MECOM: variants seen among roughly 807,000 people sequenced by gnomAD.
The protein encoded by MECOM is histone-lysine N-methyltransferase MECOM.
A neutral mutation model predicts 116.3 loss-of-function variants in MECOM; 13 were observed. The observed-to-expected ratio is 0.11, with a 90% CI of 0.07 to 0.18. MECOM has a LOEUF of 0.18. Ranked by LOEUF, MECOM falls within the 10% of genes least tolerant of loss-of-function variation. The pLI is 1.00. For synonymous variants in MECOM, 528 were observed against 535.2 expected, an observed-to-expected ratio of 0.99 and a Z score of 0.19; for missense variants, 1,299 against 1,509.0, an observed-to-expected ratio of 0.86 and a Z score of 2.31.
chr3:169,623,601 C>A (rs1771005768), intron 1 of MECOM, among the ~76,000 whole-genome samples: 1 of 152,112 alleles, frequency 6.6e-6, no homozygotes. Flanking sequence ...ATTTGTTGAA[C>A]TATTTTTATC....
At chr3:169,239,259 A>T (rs1371969458) in intron 2 of MECOM, among the ~76,000 whole-genome samples, 1 of 152,088 alleles carries the variant, frequency 6.6e-6, no homozygotes, top group Non-Finnish European at 1.5e-5. Flanking sequence ...ATTTTGTTGG[A>T]GGAGAATTAT....
chr3:169,089,275 A>G (rs1718889827), intron 15 of MECOM, 92 bp from the exon 16 acceptor site: 3 of 914,654 alleles, frequency 3.3e-6, no homozygotes, highest in Non-Finnish European at 4.5e-6. Context: ...ACAACTGACA[A>G]ACTTCATATT....
At chr3:169,634,908 A>G (rs1422407980) in intron 1 of MECOM, among the ~76,000 whole-genome samples, 19 of 151,980 alleles carry the variant, frequency 1.3e-4, no homozygotes, top group Admixed American at 1.2e-3. Context: ...CACTTTTTTA[A>G]ATCATCAGCT....
At chr3:169,452,602 C>A (rs1333123954) in intron 1 of MECOM, among the ~76,000 whole-genome samples, 1 of 152,072 alleles carries the variant, frequency 6.6e-6, no homozygotes, top group African/African-American at 2.4e-5. Flanking sequence ...ATGTCAAGTC[C>A]CTGCTTTCTA....
intron 1 of MECOM, among the ~76,000 whole-genome samples, chr3:169,448,803 G>A (rs1443424213): frequency 1.3e-5 from 2 of 152,044 alleles, no homozygotes; most frequent in Admixed American, 6.6e-5. Flanking sequence ...ACTGTTCGGT[G>A]GTTTGAGGAG....
intron 2 of MECOM, among the ~76,000 whole-genome samples, chr3:169,347,856 A>G (rs1307288185): frequency 6.6e-6 from 1 of 152,028 alleles, no homozygotes; most frequent in Admixed American, 6.6e-5. Context: ...TGACTGACTG[A>G]CAAGCCCCAT....
chr3:169,574,533 G>C (rs1319274463), intron 1 of MECOM, among the ~76,000 whole-genome samples: 3 of 152,166 alleles, frequency 2.0e-5, no homozygotes, highest in African/African-American at 4.8e-5. Context: ...ACAATGCTTA[G>C]TATTCTGACA....
intron 2 of MECOM, among the ~76,000 whole-genome samples, chr3:169,301,593 G>A (rs1716726187): frequency 6.6e-6 from 1 of 152,138 alleles, no homozygotes; most frequent in Non-Finnish European, 1.5e-5. Context: ...TGGTTTGCAG[G>A]TGTGAACATT....
At chr3:169,451,997 C>T (rs1745678339) in intron 1 of MECOM, among the ~76,000 whole-genome samples, 1 of 151,612 alleles carries the variant, frequency 6.6e-6, no homozygotes, top group African/African-American at 2.4e-5. Flanking sequence ...TCAAATAATT[C>T]CTCTTCTCAA....
chr3:169,403,575 T>TA (rs1035381027), intron 1 of MECOM, among the ~76,000 whole-genome samples: 2 of 152,194 alleles, frequency 1.3e-5, no homozygotes, highest in Non-Finnish European at 2.9e-5. Context: ...TTAAGAAATA[T>TA]AAAAGGAAGA....
chr3:169,350,231 C>A (rs1371511906), intron 2 of MECOM, among the ~76,000 whole-genome samples: 1 of 151,928 alleles, frequency 6.6e-6, no homozygotes, highest in Non-Finnish European at 1.5e-5. Context: ...CATATTTTAA[C>A]AGAACTAAAA....
chr3:169,174,335 C>A (rs1026986068), intron 2 of MECOM, among the ~76,000 whole-genome samples: 1 of 152,124 alleles, frequency 6.6e-6, no homozygotes, highest in Non-Finnish European at 1.5e-5. Flanking sequence ...ATGATCCTAC[C>A]ACCAAGCACT....
At chr3:169,533,410 T>C (rs955450501) in intron 1 of MECOM, among the ~76,000 whole-genome samples, 8 of 152,136 alleles carry the variant, frequency 5.3e-5, no homozygotes, top group African/African-American at 1.9e-4. Context: ...ATTTTCCTTC[T>C]TTCCAACACC....
At chr3:169,368,512 T>C (rs1729555628) in intron 2 of MECOM, among the ~76,000 whole-genome samples, 1 of 152,150 alleles carries the variant, frequency 6.6e-6, no homozygotes, top group South Asian at 2.1e-4. Context: ...CTTATCATTA[T>C]TGGAACAAAT....
chr3:169,324,521 T>C (rs1235636376), intron 2 of MECOM, among the ~76,000 whole-genome samples: 2 of 152,254 alleles, frequency 1.3e-5, no homozygotes, highest in Non-Finnish European at 2.9e-5. Context: ...TTTAGGAAAC[T>C]CTCTGGGTAG....
At chr3:169,658,537 G>A (rs1319106967) in intron 1 of MECOM, among the ~76,000 whole-genome samples, 1 of 152,238 alleles carries the variant, frequency 6.6e-6, no homozygotes, top group Non-Finnish European at 1.5e-5. Flanking sequence ...CAGGCACGCA[G>A]CCCCTCTGAG....
chr3:169,528,313 G>C (rs1758191727), intron 1 of MECOM, among the ~76,000 whole-genome samples: 1 of 152,190 alleles, frequency 6.6e-6, no homozygotes, highest in Non-Finnish European at 1.5e-5. Flanking sequence ...CCAGGATTAA[G>C]TGCCCATAGT....
intron 1 of MECOM, among the ~76,000 whole-genome samples, chr3:169,418,916 G>T (rs1739223831): frequency 6.6e-6 from 1 of 152,148 alleles, no homozygotes; most frequent in African/African-American, 2.4e-5. Flanking sequence ...TCAAGAGAAA[G>T]AAACAAAGGA....
At chr3:169,422,559 C>T (rs910995351) in intron 1 of MECOM, among the ~76,000 whole-genome samples, 1 of 151,960 alleles carries the variant, frequency 6.6e-6, no homozygotes, top group African/African-American at 2.4e-5. Flanking sequence ...TCTAACAGTT[C>T]AGATCACATT....
Sources: allele counts gnomAD v4.1 joint callset (sites outside exome capture counted in the v4.1 genomes callset), GRCh38; gene constraint gnomAD v4.1.1; transcripts MANE v1.5; gene names NCBI Gene and HGNC (gene_info 2026-07-23, HGNC 2026-07-21).